Variants in DCAF8L2 observed in about 807,000 individuals in gnomAD.
The protein encoded by DCAF8L2 is DDB1- and CUL4-associated factor 8-like protein 2.
For synonymous variants in DCAF8L2, 200 were observed against 190.9 expected, an observed-to-expected ratio of 1.05 and a Z score of -0.39; for missense variants, 430 against 490.7, an observed-to-expected ratio of 0.88 and a Z score of 1.17.
the DCAF8L2 span, among the ~76,000 whole-genome samples, chrX:27,498,828 T>C: frequency 1.8e-4 from 20 of 112,491 alleles, no homozygotes; most frequent in African/African-American, 5.2e-4. Context: ...GTCTGACTTA[T>C]TCCATTTAGT....
Position 27,746,903 on chromosome X carries a change from A to G in DCAF8L2, c.8A>G (p.His3Arg), listed in dbSNP as rs759738501. MS[H>R]QEGSTDGLPD... The stretch of plus-strand genomic sequence containing the variant: ...CAGCAAACATCGTTCAAGATGTCCC[A>G]CCAAGAAGGCAGCACAGACGGCTTA... The change falls in exon 5 of 5, where the codon CAC (histidine) becomes CGC (arginine). Residue 3 changes from histidine to arginine, a missense_variant. Transcript: ENST00000451261. 4.4e-5 allele frequency: 53 copies of G among 1,192,866 alleles called. No individual in the cohort carries two copies. Among genetic ancestry groups the G allele is most frequent in the Non-Finnish European group, 5.9e-5 (52 of 887,410 alleles).
At chrX:27,741,426 C>T (rs1921844834) in intron 4 of DCAF8L2, among the ~76,000 whole-genome samples, 1 of 105,497 alleles carries the variant, frequency 9.5e-6, no homozygotes, top group African/African-American at 3.5e-5. Context: ...CCCCCATGCC[C>T]CAGCACCATG....
chrX:27,497,288 T>C, the DCAF8L2 span, among the ~76,000 whole-genome samples: 1 of 111,950 alleles, frequency 8.9e-6, no homozygotes, highest in East Asian at 2.8e-4. Context: ...TATTGTACTA[T>C]AGGGCTTTTT....
intron 1 of DCAF8L2, among the ~76,000 whole-genome samples, chrX:27,628,784 T>C (rs2147167885): frequency 9.0e-6 from 1 of 110,562 alleles, no homozygotes; most frequent in African/African-American, 3.3e-5. Context: ...TTTGTATTTT[T>C]AGTAGAGACG....
At chrX:27,530,828 C>G in the DCAF8L2 span, among the ~76,000 whole-genome samples, 1 of 111,730 alleles carries the variant, frequency 9.0e-6, no homozygotes, top group Non-Finnish European at 1.9e-5. Flanking sequence ...TACCCCTGGG[C>G]AGAAGACAAG....
the DCAF8L2 span, among the ~76,000 whole-genome samples, chrX:27,559,754 G>T: frequency 9.0e-6 from 1 of 111,545 alleles, no homozygotes; most frequent in Non-Finnish European, 1.9e-5. Context: ...TGCCATGGAG[G>T]ATGATTTCTG....
At chrX:27,521,272 A>T in the DCAF8L2 span, among the ~76,000 whole-genome samples, 1 of 112,375 alleles carries the variant, frequency 8.9e-6, no homozygotes, top group East Asian at 2.8e-4. Flanking sequence ...TTCAAAAAAC[A>T]TCTTCTAAAA....
the DCAF8L2 span, among the ~76,000 whole-genome samples, chrX:27,514,668 CAAAAAAAAAAA>C: frequency 0.031 from 78 of 2,504 alleles, 1 homozygote; most frequent in South Asian, 0.17. Context: ...GACTCCGTCT[CAAAAAAAAAAA>C]AAAAAAAAAA....
chrX:27,672,221 G>A (rs1569178193), intron 2 of DCAF8L2, among the ~76,000 whole-genome samples: 1 of 111,768 alleles, frequency 8.9e-6, no homozygotes, highest in Non-Finnish European at 1.9e-5. Context: ...TGTTCCATGA[G>A]GGCAACAGTT....
intron 2 of DCAF8L2, among the ~76,000 whole-genome samples, chrX:27,665,517 G>T (rs1929710064): frequency 8.9e-6 from 1 of 112,044 alleles, no homozygotes; most frequent in Non-Finnish European, 1.9e-5. Context: ...CATAAATTTA[G>T]ATGTTAAAGT....
the DCAF8L2 span, chrX:27,518,336 A>G: frequency 6.5e-6 from 7 of 1,076,099 alleles, no homozygotes; most frequent in African/African-American, 3.7e-5. Flanking sequence ...AAGAAAGAAT[A>G]CAGAACTGGC....
At chrX:27,696,200 AG>A (rs1414516201) in intron 3 of DCAF8L2, among the ~76,000 whole-genome samples, 3 of 105,169 alleles carry the variant, frequency 2.9e-5, no homozygotes, top group African/African-American at 1.0e-4. Context: ...CTCCGTCAGA[AG>A]AAAAAAAAAA....
chrX:27,727,506 G>A (rs941782960), intron 4 of DCAF8L2, among the ~76,000 whole-genome samples: 3 of 111,069 alleles, frequency 2.7e-5, no homozygotes, highest in South Asian at 3.7e-4. Context: ...GTTTTATTTC[G>A]TTGATCTATT....
the DCAF8L2 span, among the ~76,000 whole-genome samples, chrX:27,522,167 A>G: frequency 9.0e-6 from 1 of 111,588 alleles, no homozygotes; most frequent in African/African-American, 3.3e-5. Flanking sequence ...AGTTGGGATT[A>G]CAGGCGTGAA....
At chrX:27,729,829 A>G (rs1006951093) in intron 4 of DCAF8L2, among the ~76,000 whole-genome samples, 1 of 111,931 alleles carries the variant, frequency 8.9e-6, no homozygotes, top group African/African-American at 3.3e-5. Context: ...ACAAGCATTC[A>G]GTCCACTGCA....
intron 1 of DCAF8L2, among the ~76,000 whole-genome samples, chrX:27,615,126 G>A (rs145836584): frequency 3.6e-5 from 4 of 111,425 alleles, no homozygotes; most frequent in East Asian, 5.7e-4. Context: ...AAAGGAAGAC[G>A]TGCCCCTTGC....
intron 1 of DCAF8L2, among the ~76,000 whole-genome samples, chrX:27,617,332 T>C (rs772910812): frequency 4.5e-5 from 5 of 110,942 alleles, no homozygotes; most frequent in Non-Finnish European, 9.4e-5. Flanking sequence ...CACTGTGGGA[T>C]AGGTAGAGCT....
chrX:27,746,804 A>G (rs947108536), intron 4 of DCAF8L2, 34 bp from the exon 5 acceptor site: 11 of 850,950 alleles, frequency 1.3e-5, no homozygotes, highest in Non-Finnish European at 1.6e-5. Flanking sequence ...CTTCACTACC[A>G]TCAGTCCTAA....
intron 3 of DCAF8L2, among the ~76,000 whole-genome samples, chrX:27,691,671 T>G (rs138765139): frequency 0.046 from 5,159 of 112,049 alleles, 117 homozygotes; most frequent in Non-Finnish European, 0.071. Context: ...TTATGATATA[T>G]GTACTATTAT....
Sources: gnomAD v4.1 joint callset for allele counts (sites outside exome capture counted in the v4.1 genomes callset) on GRCh38, gnomAD v4.1.1 for gene constraint, MANE v1.5 for transcripts, NCBI Gene and HGNC (gene_info 2026-07-23, HGNC 2026-07-21) for gene names.